SGPL1: variants seen among roughly 807,000 people sequenced by gnomAD.
The protein encoded by SGPL1 is sphingosine-1-phosphate lyase 1.
Under a neutral mutation model 68.9 loss-of-function variants are expected in SGPL1, and 37 were observed. The observed-to-expected ratio is 0.54, with a 90% CI of 0.41 to 0.71. SGPL1 has a LOEUF of 0.71. SGPL1 is among the 30% of genes least tolerant of loss of function. The pLI is 0.00. For synonymous variants in SGPL1, 236 were observed against 248.5 expected (o/e 0.95, Z 0.47); for missense variants, 551 against 704.6 (o/e 0.78, Z 2.47).
intron 2 of SGPL1, among the ~76,000 whole-genome samples, chr10:70,822,230 T>C (rs980644041): frequency 6.6e-6 from 1 of 152,166 alleles, no homozygotes; most frequent in Non-Finnish European, 1.5e-5. Context: ...ATTAAAAAAT[T>C]TGTTGACATT....
At chr10:70,844,671 T>C in intron 3 of SGPL1, 33 bp downstream of exon 3, 1 of 1,590,936 alleles carries the variant, frequency 6.3e-7, no homozygotes, top group Admixed American at 1.7e-5. Flanking sequence ...AAAGGTATAG[T>C]GGTGTGTCAC....
At chr10:70,842,286 T>A (rs1845728513) in intron 2 of SGPL1, among the ~76,000 whole-genome samples, 1 of 152,178 alleles carries the variant, frequency 6.6e-6, no homozygotes, top group Non-Finnish European at 1.5e-5. Context: ...AAAAGTGAGA[T>A]TGCTAGGTCA....
In SGPL1 at chr10:70,868,440, A is replaced by G; in HGVS notation, c.704+7A>G. On this transcript the variant is annotated splice_region_variant and intron_variant, in intron 8 of 14. Transcript: ENST00000373202. ...GGATCAAAACTCCAGAAATGTATGT[A>G]TGTGTGGCTGTTTTGTCCCCTTTTG... is the stretch of plus-strand genomic sequence containing the variant. 3.7e-6 allele frequency: 6 copies of G among 1,609,720 alleles called. No individual in the cohort carries two copies. The highest frequency in any genetic ancestry group is 5.1e-6 in the Non-Finnish European group (6 of 1,176,082).
intron 4 of SGPL1, among the ~76,000 whole-genome samples, chr10:70,851,871 G>A (rs190509139): frequency 7.0e-4 from 106 of 152,336 alleles, no homozygotes; most frequent in African/African-American, 2.5e-3. Flanking sequence ...GTAGGCCTTT[G>A]TTGGTTCCTG....
chr10:70,839,299 C>A (rs1359903299), intron 2 of SGPL1, among the ~76,000 whole-genome samples: 1 of 150,804 alleles, frequency 6.6e-6, no homozygotes, highest in Non-Finnish European at 1.5e-5. Flanking sequence ...TTGTTTTTTT[C>A]TTTAATGTTA....
chr10:70,823,964 A>G (rs925550383), intron 2 of SGPL1, among the ~76,000 whole-genome samples: 6 of 152,224 alleles, frequency 3.9e-5, no homozygotes, highest in Admixed American at 3.3e-4. Context: ...CAGTTTTGAT[A>G]TGTCATTGTT....
At chr10:70,856,247 T>C (rs1359112636) in intron 5 of SGPL1, among the ~76,000 whole-genome samples, 2 of 152,166 alleles carry the variant, frequency 1.3e-5, no homozygotes, top group African/African-American at 4.8e-5. Context: ...CTGCCCACCT[T>C]GGCCTCCCAA....
rs543216339 is a variant in SGPL1 at position 70,862,218 on chromosome 10, A to G, written c.615+2719A>G. On this transcript the variant is annotated intron_variant, in intron 7 of 14. Transcript: ENST00000373202. ...TGTATCTAGCTCAAGGTTTGTAAAC[A>G]CACCAATCAGCACCCTGTGTCTAGC... Among the ~76,000 whole-genome samples the G allele has an allele frequency of 7.4e-4, 113 of 152,326 alleles. No homozygotes were observed. The South Asian group carries it at 0.014, about 18-fold the overall frequency.
chr10:70,825,907 C>T (rs917575614), intron 2 of SGPL1, among the ~76,000 whole-genome samples: 8 of 152,186 alleles, frequency 5.3e-5, no homozygotes, highest in Admixed American at 1.3e-4. Context: ...ACTGGCCTGG[C>T]GCGGTGGCTC....
chr10:70,829,314 C>T (rs751339927), intron 2 of SGPL1, among the ~76,000 whole-genome samples: 1 of 152,172 alleles, frequency 6.6e-6, no homozygotes, highest in African/African-American at 2.4e-5. Context: ...TAGCTCATTA[C>T]TAAGGTGTGT....
intron 1 of SGPL1, 85 bp from the exon 2 acceptor site, chr10:70,816,725 AT>A (rs1845238252): frequency 4.4e-6 from 4 of 903,902 alleles, no homozygotes. Flanking sequence ...GGAGAGAACC[AT>A]AACTTGGCTG....
intron 7 of SGPL1, among the ~76,000 whole-genome samples, chr10:70,859,834 A>AG (rs946426824): frequency 2.6e-5 from 4 of 152,086 alleles, no homozygotes; most frequent in Non-Finnish European, 5.9e-5. Flanking sequence ...GATGGCTTAA[A>AG]GAACACCTTA....
At chr10:70,867,987 T>G (rs943244849) in intron 7 of SGPL1, among the ~76,000 whole-genome samples, 1 of 152,218 alleles carries the variant, frequency 6.6e-6, no homozygotes, top group African/African-American at 2.4e-5. Context: ...TATTGAAAAT[T>G]TAAATTAAAA....
At chr10:70,821,867 C>T (rs980478622) in intron 2 of SGPL1, among the ~76,000 whole-genome samples, 4 of 152,044 alleles carry the variant, frequency 2.6e-5, no homozygotes, top group Admixed American at 6.6e-5. Context: ...CCTTGCTGCT[C>T]AGGAATATAT....
intron 2 of SGPL1, among the ~76,000 whole-genome samples, chr10:70,841,959 A>C (rs1845723136): frequency 6.6e-6 from 1 of 152,010 alleles, no homozygotes; most frequent in Non-Finnish European, 1.5e-5. Context: ...ATTTTGAATG[A>C]TCTATACCCA....
chr10:70,860,274 T>C (rs1846029161), intron 7 of SGPL1: 1 of 420,904 alleles, frequency 2.4e-6, no homozygotes, highest in Non-Finnish European at 4.8e-6. Context: ...AATGGTGTCC[T>C]AGAGGTGCTA....
At chr10:70,853,106 A>G (rs947931869) in intron 4 of SGPL1, among the ~76,000 whole-genome samples, 14 of 152,184 alleles carry the variant, frequency 9.2e-5, no homozygotes, top group Admixed American at 8.5e-4. Context: ...GTTCTGTTGC[A>G]TGAGTCGCCA....
At chr10:70,872,072 T>A in intron 11 of SGPL1, 86 bp downstream of exon 11, 1 of 1,295,976 alleles carries the variant, frequency 7.7e-7, no homozygotes, top group Non-Finnish European at 1.1e-6. Flanking sequence ...CCGCAAAGTA[T>A]AAAATTAACT....
intron 2 of SGPL1, among the ~76,000 whole-genome samples, chr10:70,824,264 A>G (rs958267956): frequency 1.3e-5 from 2 of 152,240 alleles, no homozygotes; most frequent in African/African-American, 4.8e-5. Context: ...AAAAATACAT[A>G]CAAGATAGCA....
Sources: gnomAD v4.1 joint callset for allele counts (sites outside exome capture counted in the v4.1 genomes callset) on GRCh38, gnomAD v4.1.1 for gene constraint, MANE v1.5 for transcripts, NCBI Gene and HGNC (gene_info 2026-07-23, HGNC 2026-07-21) for gene names.